Variants in RANBP17 observed in about 807,000 individuals in gnomAD.
RANBP17 encodes RAN binding protein 17.
RANBP17 carries 158 observed loss-of-function variants against 141.2 expected under a neutral mutation model. That is an observed-to-expected ratio of 1.12 (90% confidence interval 0.98 to 1.28). The LOEUF (loss-of-function observed/expected upper bound fraction) is 1.28. Ranked by LOEUF, RANBP17 falls within the 50% of genes most tolerant of loss-of-function variation. The pLI is 0.00. For synonymous variants in RANBP17, 430 were observed against 450.0 expected (o/e 0.96, Z 0.56); for missense variants, 1,438 against 1,290.7 (o/e 1.11, Z -1.75).
At chr5:171,207,946 A>T (rs1260681406) in intron 20 of RANBP17, 1 of 152,202 alleles carries the variant, frequency 6.6e-6, no homozygotes, top group Non-Finnish European at 1.5e-5. Flanking sequence ...CAAAGTATTC[A>T]AGTAATGCAA....
At chr5:170,950,080 G>A (rs564710423) in intron 12 of RANBP17, among the ~76,000 whole-genome samples, 35 of 152,040 alleles carry the variant, frequency 2.3e-4, no homozygotes, top group Non-Finnish European at 3.2e-4. Context: ...ACCTCTTACC[G>A]TATACAAAAA....
At chr5:171,144,410 G>C (rs1028215707) in intron 14 of RANBP17, among the ~76,000 whole-genome samples, 2 of 151,954 alleles carry the variant, frequency 1.3e-5, no homozygotes, top group African/African-American at 4.8e-5. Context: ...AAGAAATAGG[G>C]TGCCATTGAA....
At chr5:171,048,101 G>T (rs1277564642) in intron 14 of RANBP17, among the ~76,000 whole-genome samples, 1 of 152,064 alleles carries the variant, frequency 6.6e-6, no homozygotes, top group African/African-American at 2.4e-5. Context: ...TTGAGATAGA[G>T]TCTCATCCTG....
At chr5:170,934,176 C>G (rs1000056852) in intron 12 of RANBP17, among the ~76,000 whole-genome samples, 4 of 152,182 alleles carry the variant, frequency 2.6e-5, no homozygotes, top group African/African-American at 4.8e-5. Flanking sequence ...TAATGCCCTT[C>G]TTTGTCTCTT....
chr5:171,171,093 C>G, intron 15 of RANBP17, 113 bp from the exon 16 acceptor site: 3 of 590,670 alleles, frequency 5.1e-6, no homozygotes, highest in Non-Finnish European at 3.0e-6. Context: ...TTTTCACTTT[C>G]AAAATATTTG....
At chr5:170,984,092 GTTT>G (rs1264143856) in intron 14 of RANBP17, among the ~76,000 whole-genome samples, 3 of 152,118 alleles carry the variant, frequency 2.0e-5, no homozygotes, top group Non-Finnish European at 4.4e-5. Context: ...AAGGGAAGGA[GTTT>G]TTTAAGAGTA....
At chr5:171,120,031 T>A (rs1755910768) in intron 14 of RANBP17, among the ~76,000 whole-genome samples, 1 of 104,284 alleles carries the variant, frequency 9.6e-6, no homozygotes, top group African/African-American at 3.3e-5. Flanking sequence ...GAGCGAAACT[T>A]AGTCTCAAAA....
intron 18 of RANBP17, among the ~76,000 whole-genome samples, chr5:171,199,271 T>C (rs1343838370): frequency 6.6e-6 from 1 of 152,106 alleles, no homozygotes; most frequent in Non-Finnish European, 1.5e-5. Flanking sequence ...ACCTGAGTCT[T>C]TGAGCCCTTT....
intron 14 of RANBP17, among the ~76,000 whole-genome samples, chr5:171,011,225 A>G (rs1021451189): frequency 6.6e-6 from 1 of 152,118 alleles, no homozygotes; most frequent in Non-Finnish European, 1.5e-5. Flanking sequence ...TTCAACTAAC[A>G]GTAGATATTG....
At chr5:170,914,359 C>G in intron 8 of RANBP17, 119 bp downstream of exon 8, 1 of 673,058 alleles carries the variant, frequency 1.5e-6, no homozygotes, top group Non-Finnish European at 2.6e-6. Context: ...ACAGTAAGTT[C>G]TTATATTTTC....
intron 25 of RANBP17, among the ~76,000 whole-genome samples, chr5:171,272,888 C>G (rs1236030628): frequency 6.6e-6 from 1 of 152,150 alleles, no homozygotes; most frequent in Non-Finnish European, 1.5e-5. Flanking sequence ...CCACCACCAC[C>G]AAGACAGACC....
chr5:170,866,639 C>T (rs1242167395), intron 1 of RANBP17, among the ~76,000 whole-genome samples: 4 of 151,350 alleles, frequency 2.6e-5, no homozygotes, highest in South Asian at 2.1e-4. Flanking sequence ...CGCACCACTG[C>T]ACTCTTGCCT....
intron 1 of RANBP17, among the ~76,000 whole-genome samples, chr5:170,876,691 G>A (rs556551912): frequency 1.0e-3 from 156 of 151,794 alleles, no homozygotes; most frequent in African/African-American, 3.6e-3. Context: ...AAGGAGAGAG[G>A]AAGAGAGAAG....
chr5:170,976,683 G>T (rs992280767), intron 14 of RANBP17, among the ~76,000 whole-genome samples: 1 of 152,090 alleles, frequency 6.6e-6, no homozygotes, highest in African/African-American at 2.4e-5. Context: ...GAATGAAATA[G>T]AATGGAGAGT....
intron 24 of RANBP17, among the ~76,000 whole-genome samples, chr5:171,254,303 A>C (rs1432894872): frequency 6.6e-6 from 1 of 152,034 alleles, no homozygotes; most frequent in Non-Finnish European, 1.5e-5. Context: ...ATTCTAGTGC[A>C]GTGGTGGTAT....
chr5:170,881,886 G>A lies in RANBP17; in HGVS notation c.246G>A (p.Arg82=), dbSNP rs532026332. The A allele has an allele frequency of 1.9e-6, 3 of 1,597,750 alleles. No individual in the cohort carries two copies. In the South Asian group the frequency reaches 3.4e-5, roughly 18 times the overall value. ...SRVSPLPVEQ[R]MDIRNYILNY... The stretch of plus-strand genomic sequence containing the variant: ...TCAGTCCTTTACCTGTTGAGCAGAG[G>A]ATGGACATCAGTAAGTGGCTTATTA... The change falls in exon 3 of 28, where the codon AGG becomes AGA. Residue 82 remains arginine, a synonymous_variant. Coordinates refer to ENST00000523189, the MANE Select transcript of RANBP17 (RefSeq NM_022897.5).
intron 14 of RANBP17, among the ~76,000 whole-genome samples, chr5:171,052,057 G>T (rs770525768): frequency 6.6e-6 from 1 of 152,046 alleles, no homozygotes; most frequent in Admixed American, 6.6e-5. Flanking sequence ...TTTGAAGGAG[G>T]ATCTGGATTT....
At chr5:171,064,771 T>C (rs575145375) in intron 14 of RANBP17, among the ~76,000 whole-genome samples, 1 of 152,282 alleles carries the variant, frequency 6.6e-6, no homozygotes, top group South Asian at 2.1e-4. Context: ...TCTGCCTGCT[T>C]CTGCCTCCCA....
At chr5:171,206,971 A>G (rs1762616229) in intron 20 of RANBP17, 1 of 178,400 alleles carries the variant, frequency 5.6e-6, no homozygotes. Context: ...AACTGGAATT[A>G]TATATGACCC....
Sources: allele counts gnomAD v4.1 joint callset (sites outside exome capture counted in the v4.1 genomes callset), GRCh38; gene constraint gnomAD v4.1.1; transcripts MANE v1.5; gene names NCBI Gene and HGNC (gene_info 2026-07-23, HGNC 2026-07-21).